NKX6-2: variants seen among roughly 807,000 people sequenced by gnomAD.
NKX6-2 encodes NK6 homeobox 2, also known as homeobox protein Nkx-6.2.
Under a neutral mutation model 19.9 loss-of-function variants are expected in NKX6-2, and 22 were observed. The ratio of observed to expected loss-of-function variants is 1.10; its 90% CI spans 0.79 to 1.58. The LOEUF is 1.58. Among genes scored for constraint, NKX6-2 ranks in the 40% most tolerant of loss-of-function variants. NKX6-2 has a pLI of 0.00. For missense variants in NKX6-2, 475 were observed against 410.6 expected (o/e 1.16, Z -1.35); for synonymous variants, 257 against 204.0 (o/e 1.26, Z -2.21).
At position 132,784,125 on chromosome 10, in the gene NKX6-2, GC is replaced by G. The variant is rs1184984887; in HGVS notation, c.*790del. The G allele has an allele frequency of 6.6e-6, 1 of 152,224 alleles. No individual in the cohort carries two copies. Among genetic ancestry groups the G allele is most frequent in the Non-Finnish European group, 1.5e-5 (1 of 68,016 alleles). 9.4% of individuals were successfully genotyped at this position (152,224 alleles called of 1,614,324 possible). On this transcript the variant is annotated 3_prime_UTR_variant, in exon 3 of 3. Coordinates refer to ENST00000368592, the MANE Select transcript of NKX6-2 (RefSeq NM_177400.3). ...CCGAGCCCCCGGCTGGGCGCTGCGG[GC>G]CTTGCCCAGGGGGCCTCCGGCTCCC...
In NKX6-2 at chr10:132,785,296, G is replaced by A; in HGVS notation, c.563C>T (p.Thr188Ile). The part of the protein sequence containing the change: ...RARLAYSLGM[T>I]ESQVKVWFQN... ...CGCGCTCACCTTCACCTGGCTCTCG[G>A]TCATGCCCAGCGAGTAGGCGAGACG... Residue 188 changes from threonine to isoleucine, a missense_variant, in exon 2 of 3, where the codon ACC (threonine) becomes ATC (isoleucine). By Grantham distance (89) the Thr-to-Ile change is moderately conservative. Coordinates refer to ENST00000368592, the MANE Select transcript of NKX6-2 (RefSeq NM_177400.3). The surrounding 1 kb of genome is among the most constrained non-coding windows in gnomAD (Gnocchi z 5.5). The A allele has an allele frequency of 6.2e-7, 1 of 1,606,204 alleles. No homozygotes were observed.
rs1368859859 is a variant in NKX6-2, at chr10:132,784,127, C to G, written c.*789G>C. On this transcript the variant is annotated 3_prime_UTR_variant, in exon 3 of 3. Coordinates refer to ENST00000368592, the MANE Select transcript of NKX6-2 (RefSeq NM_177400.3). ...GAGCCCCCGGCTGGGCGCTGCGGGCCTTGCCCAGGGGGCCTCCGGCTCCCT... is the reference window on the plus strand; with the variant it reads ...GAGCCCCCGGCTGGGCGCTGCGGGCGTTGCCCAGGGGGCCTCCGGCTCCCT... 1 of 152,220 alleles carries G rather than the reference C, an allele frequency of 6.6e-6. No individual in the cohort carries two copies. Among genetic ancestry groups the G allele is most frequent in the Non-Finnish European group, 1.5e-5 (1 of 68,008 alleles). The allele number at this position is 152,220 out of a possible 1,614,324, so 9.4% of individuals were successfully genotyped here. A position where few individuals can be genotyped will look rare whatever the true frequency, so the allele number is the denominator to read the frequency against.
chr10:132,783,620 A>G lies in NKX6-2; in HGVS notation c.*1296T>C, dbSNP rs1204806067. On this transcript the variant is annotated 3_prime_UTR_variant, in exon 3 of 3. Coordinates refer to ENST00000368592, the MANE Select transcript of NKX6-2 (RefSeq NM_177400.3). Reference sequence around the variant, plus strand: ...GAATTTCACTGTATCACACGCTGTCACAAAACACTAAGCCGTTCATTGAGA... The same window carrying G: ...GAATTTCACTGTATCACACGCTGTCGCAAAACACTAAGCCGTTCATTGAGA... 6.6e-6 allele frequency: 1 copy of G among 152,266 alleles called. No homozygotes were observed. Among genetic ancestry groups the G allele is most frequent in the Non-Finnish European group, 1.5e-5 (1 of 68,044 alleles). 9.4% of individuals were successfully genotyped at this position (152,266 alleles called of 1,614,324 possible).
rs745907425 is a variant in NKX6-2 at position 132,785,890 on chromosome 10, T to C, written c.59A>G (p.His20Arg). The stretch of plus-strand genomic sequence containing the variant: ...CGACGTCTTCATCTCGGCCATGTTG[T>C]GCAGCGCGGCCAGCGGGGCACTGCT... ...VLSSAPLAALHNMAEMKTSLF... is the reference protein window; with the variant it reads ...VLSSAPLAALRNMAEMKTSLF... Residue 20 changes from histidine to arginine, a missense_variant, in exon 1 of 3, where the codon CAC (histidine) becomes CGC (arginine). Coordinates refer to ENST00000368592, the MANE Select transcript of NKX6-2 (RefSeq NM_177400.3). This position sits in a 1 kb window ranked among gnomAD's most constrained non-coding sequence, Gnocchi z 5.5. The C allele has an allele frequency of 2.2e-6, 3 of 1,394,602 alleles. No homozygotes were observed. Among genetic ancestry groups the C allele is most frequent in the Admixed American group, 2.2e-5 (1 of 44,720 alleles). 86.4% of individuals were successfully genotyped at this position (1,394,602 alleles called of 1,614,324 possible).
chr10:132,784,890 T>G lies in NKX6-2; in HGVS notation c.*26A>C. 1 of 1,596,680 alleles carries G rather than the reference T, an allele frequency of 6.3e-7. No homozygotes were observed. Among genetic ancestry groups the G allele is most frequent in the Non-Finnish European group, 8.6e-7 (1 of 1,168,512 alleles). On this transcript the variant is annotated 3_prime_UTR_variant, in exon 3 of 3. Transcript: ENST00000368592. ...GGGCCGCCCCCGGATTCTGCAAAAA[T>G]AGATTCGCCCCCACCCCGCGGGTCC...
In NKX6-2 at chr10:132,785,684, C is replaced by T; in HGVS notation, c.265G>A (p.Ala89Thr). 8.0e-7 allele frequency: 1 copy of T among 1,251,182 alleles called. No homozygotes were observed. The allele number at this position is 1,251,182 out of a possible 1,614,324, so 77.5% of individuals were successfully genotyped here. Residue 89 changes from alanine to threonine, a missense_variant, in exon 1 of 3, where the codon GCC becomes ACC. Coordinates refer to ENST00000368592, the MANE Select transcript of NKX6-2 (RefSeq NM_177400.3). The surrounding 1 kb of genome is among the most constrained non-coding windows in gnomAD (Gnocchi z 5.5). Reference protein sequence around the residue: ...LPRLNGLASSAGVYFGPAAAV... With the variant: ...LPRLNGLASSTGVYFGPAAAV... Reference sequence around the variant, plus strand: ...GCCGCGGGCCCGAAGTAAACGCCGGCGGACGACGCGAGCCCGTTGAGCCGG... The same window carrying T: ...GCCGCGGGCCCGAAGTAAACGCCGGTGGACGACGCGAGCCCGTTGAGCCGG...
Position 132,784,766 on chromosome 10 carries a change from G to C in NKX6-2, c.*150C>G. On this transcript the variant is annotated 3_prime_UTR_variant, in exon 3 of 3. Transcript: ENST00000368592. ...GGAGGGGCCGCCTCGCTCCGGGTTC[G>C]AGACGGAAGAAACACGCGGCGCAGG... The C allele has an allele frequency of 1.5e-6, 1 of 664,722 alleles. No individual in the cohort carries two copies. Among genetic ancestry groups the C allele is most frequent in the South Asian group, 2.0e-5 (1 of 50,524 alleles). The allele number at this position is 664,722 out of a possible 1,614,324, so 41.2% of individuals were successfully genotyped here. A position where few individuals can be genotyped will look rare whatever the true frequency, so the allele number is the denominator to read the frequency against.
rs1847258450 is a variant in NKX6-2, at chr10:132,785,824, G to T, written c.125C>A (p.Ala42Glu). The T allele has an allele frequency of 7.3e-7, 1 of 1,377,378 alleles. No homozygotes were observed. 85.3% of individuals were successfully genotyped at this position (1,377,378 alleles called of 1,614,324 possible). The change falls in exon 1 of 3, where the codon GCG becomes GAG. Residue 42 changes from alanine (A) to glutamate (E), a missense_variant. Coordinates refer to ENST00000368592, the MANE Select transcript of NKX6-2 (RefSeq NM_177400.3). This position sits in a 1 kb window ranked among gnomAD's most constrained non-coding sequence, Gnocchi z 5.5. ...CGCGCCCAGGCCCCCCAGCGCGGGC[G>T]CCTTGAAGCCGGCCGGACCCTGCAG... ...YALQGPAGFK[A>E]PALGGLGAQL...
At position 132,783,537 on chromosome 10, in the gene NKX6-2, CAG is replaced by C. The variant is rs531243874; in HGVS notation, c.*1377_*1378del. Reference sequence around the variant, plus strand: ...TCCTGCCACCTTTGAAATGCTAACTCAGGGGAGCGGCCTCCTGTATAGCCTGT... The same window carrying C: ...TCCTGCCACCTTTGAAATGCTAACTCGGGAGCGGCCTCCTGTATAGCCTGT... On this transcript the variant is annotated 3_prime_UTR_variant, in exon 3 of 3. Coordinates refer to ENST00000368592, the MANE Select transcript of NKX6-2 (RefSeq NM_177400.3). The C allele has an allele frequency of 4.1e-3, 626 of 152,512 alleles. 3 individuals carry two copies. The highest frequency in any genetic ancestry group is 7.0e-3 in the Non-Finnish European group (476 of 68,048). The allele number at this position is 152,512 out of a possible 1,614,324, so 9.4% of individuals were successfully genotyped here. A position where few individuals can be genotyped will look rare whatever the true frequency, so the allele number is the denominator to read the frequency against.
At position 132,785,081 on chromosome 10, in the gene NKX6-2, C is replaced by A; in HGVS notation, c.669G>T (p.Glu223Asp). The A allele has an allele frequency of 6.2e-7, 1 of 1,610,662 alleles. No individual in the cohort carries two copies. Among genetic ancestry groups the A allele is most frequent in the East Asian group, 2.2e-5 (1 of 44,820 alleles). The stretch of plus-strand genomic sequence containing the variant: ...CGTCCGAGCCGCCCACCTTCAGCTT[C>A]TCGGCGTCCGAGTCCTGCTTCTTCT... Reference protein sequence around the residue: ...SAKKKQDSDAEKLKVGGSDAE... With the variant: ...SAKKKQDSDADKLKVGGSDAE... The change falls in exon 3 of 3, where the codon GAG becomes GAT. Residue 223 changes from glutamate (E) to aspartate (D), a missense_variant. Coordinates refer to ENST00000368592, the MANE Select transcript of NKX6-2 (RefSeq NM_177400.3). The surrounding 1 kb of genome is among the most constrained non-coding windows in gnomAD (Gnocchi z 5.5).
In NKX6-2 at chr10:132,783,772, A is replaced by G. The variant is rs1453211660; in HGVS notation, c.*1144T>C. The G allele has an allele frequency of 7.0e-6, 1 of 142,928 alleles. No individual in the cohort carries two copies. The highest frequency in any genetic ancestry group is 2.5e-5 in the African/African-American group (1 of 40,362). 8.9% of individuals were successfully genotyped at this position (142,928 alleles called of 1,614,324 possible). A position where few individuals can be genotyped will look rare whatever the true frequency, so the allele number is the denominator to read the frequency against. Reference sequence around the variant, plus strand: ...AGAAGCCCCTCTGCTCTGAGCTGAGAGGGGCTCCCCACAGAAAAGCGTTGC... The same window carrying G: ...AGAAGCCCCTCTGCTCTGAGCTGAGGGGGGCTCCCCACAGAAAAGCGTTGC... On this transcript the variant is annotated 3_prime_UTR_variant, in exon 3 of 3. Transcript: ENST00000368592.
In NKX6-2 at chr10:132,784,720, C is replaced by A; in HGVS notation, c.*196G>T. 2 of 572,306 alleles carry A rather than the reference C, an allele frequency of 3.5e-6. No homozygotes were observed. Among genetic ancestry groups the A allele is most frequent in the East Asian group, 6.3e-5 (2 of 31,548 alleles). 35.5% of individuals were successfully genotyped at this position (572,306 alleles called of 1,614,324 possible). On this transcript the variant is annotated 3_prime_UTR_variant, in exon 3 of 3. Coordinates refer to ENST00000368592, the MANE Select transcript of NKX6-2 (RefSeq NM_177400.3). ...GAACCCGGAGGACCCGAGGCGGGCGCAGGGGCGAAGCCGGGGCCGGGGAGG... is the reference window on the plus strand; with the variant it reads ...GAACCCGGAGGACCCGAGGCGGGCGAAGGGGCGAAGCCGGGGCCGGGGAGG...
rs781144494 is a variant in NKX6-2, at chr10:132,785,887, T to C, written c.62A>G (p.Asn21Ser). The C allele has an allele frequency of 1.1e-4, 147 of 1,395,486 alleles. No individual in the cohort carries two copies. The highest frequency in any genetic ancestry group is 1.2e-4 in the Non-Finnish European group (129 of 1,051,010). The allele number at this position is 1,395,486 out of a possible 1,614,324, so 86.4% of individuals were successfully genotyped here. A position where few individuals can be genotyped will look rare whatever the true frequency, so the allele number is the denominator to read the frequency against. ...CAGCGACGTCTTCATCTCGGCCATG[T>C]TGTGCAGCGCGGCCAGCGGGGCACT... The part of the protein sequence containing the change: ...LSSAPLAALH[N>S]MAEMKTSLFP... Residue 21 changes from asparagine to serine, a missense_variant, in exon 1 of 3, where the codon AAC (asparagine) becomes AGC (serine). Transcript: ENST00000368592. The surrounding 1 kb of genome is among the most constrained non-coding windows in gnomAD (Gnocchi z 5.5).
At position 132,784,672 on chromosome 10, in the gene NKX6-2, G is replaced by A. The variant is rs1186295096; in HGVS notation, c.*244C>T. On this transcript the variant is annotated 3_prime_UTR_variant, in exon 3 of 3. Transcript: ENST00000368592. ...CTTCGCCGCCTCCTCGCGCCTGCCC[G>A]GGGCCCGCAGCCTCCGCACCGGGAA... is the stretch of plus-strand genomic sequence containing the variant. The A allele has an allele frequency of 2.9e-5, 14 of 488,118 alleles. No individual in the cohort carries two copies. Among genetic ancestry groups the A allele is most frequent in the Middle Eastern group, 5.5e-4 (1 of 1,832 alleles). 30.2% of individuals were successfully genotyped at this position (488,118 alleles called of 1,614,324 possible). A position where few individuals can be genotyped will look rare whatever the true frequency, so the allele number is the denominator to read the frequency against.
In NKX6-2 at chr10:132,785,376, G is replaced by A. The variant is rs745607293; in HGVS notation, c.483C>T (p.Phe161=). 5.0e-6 allele frequency: 8 copies of A among 1,605,520 alleles called. No individual in the cohort carries two copies. Among genetic ancestry groups the A allele is most frequent in the Middle Eastern group, 1.7e-4 (1 of 6,052 alleles). ...SRPTFSGQQI[F]ALEKTFEQTK... ...TCTGCTCGAAGGTTTTCTCCAGCGC[G>A]AAGATCTGCTGGCCCGAGAAGGTCG... Residue 161 remains phenylalanine, a synonymous_variant, in exon 2 of 3, where the codon TTC becomes TTT. Coordinates refer to ENST00000368592, the MANE Select transcript of NKX6-2 (RefSeq NM_177400.3). This position sits in a 1 kb window ranked among gnomAD's most constrained non-coding sequence, Gnocchi z 5.5.
rs1219543191 is a variant in NKX6-2 at position 132,785,452 on chromosome 10, G to T, written c.407C>A (p.Ala136Asp). Residue 136 changes from alanine (A) to aspartate (D), a missense_variant and splice_region_variant, in exon 2 of 3, where the codon GCC becomes GAC. Transcript: ENST00000368592. The surrounding 1 kb of genome is among the most constrained non-coding windows in gnomAD (Gnocchi z 5.5). ...CTTGTCCAGGACGCCGCCGGCCGGG[G>T]CTGCAAGGGAGGGGAAGGGAGGGAG... is the stretch of plus-strand genomic sequence containing the variant. The part of the protein sequence containing the change: ...PWRDPRLAGP[A>D]PAGGVLDKDG... The T allele has an allele frequency of 2.5e-6, 4 of 1,573,516 alleles. No individual in the cohort carries two copies. Among genetic ancestry groups the T allele is most frequent in the Non-Finnish European group, 3.4e-6 (4 of 1,161,844 alleles).
In NKX6-2 at chr10:132,785,435, G is replaced by A. The variant is rs1306186693; in HGVS notation, c.424C>T (p.Leu142=). ...LAGPAPAGGV[L]DKDGKKKHSR... Reference sequence around the variant, plus strand: ...TGCTTCTTCTTCCCGTCCTTGTCCAGGACGCCGCCGGCCGGGGCTGCAAGG... The same window carrying A: ...TGCTTCTTCTTCCCGTCCTTGTCCAAGACGCCGCCGGCCGGGGCTGCAAGG... Residue 142 remains leucine (L), a synonymous_variant, in exon 2 of 3, where the codon CTG becomes TTG. Transcript: ENST00000368592. This position sits in a 1 kb window ranked among gnomAD's most constrained non-coding sequence, Gnocchi z 5.5. 1 of 1,587,548 alleles carries A rather than the reference G, an allele frequency of 6.3e-7. No individual in the cohort carries two copies. The highest frequency in any genetic ancestry group is 8.6e-7 in the Non-Finnish European group (1 of 1,169,050).
Position 132,785,325 on chromosome 10 carries a change from G to A in NKX6-2, c.534C>T (p.Arg178=), listed in dbSNP as rs1252338727. The change falls in exon 2 of 3, where the codon CGC becomes CGT. Residue 178 remains arginine, a synonymous_variant. Coordinates refer to ENST00000368592, the MANE Select transcript of NKX6-2 (RefSeq NM_177400.3). The surrounding 1 kb of genome is among the most constrained non-coding windows in gnomAD (Gnocchi z 5.5). ...EQTKYLAGPE[R]ARLAYSLGMT... Reference sequence around the variant, plus strand: ...TGCCCAGCGAGTAGGCGAGACGCGCGCGCTCCGGGCCCGCCAGGTACTTGG... The same window carrying A: ...TGCCCAGCGAGTAGGCGAGACGCGCACGCTCCGGGCCCGCCAGGTACTTGG... 3.1e-6 allele frequency: 5 copies of A among 1,605,892 alleles called. No homozygotes were observed. In the East Asian group the frequency reaches 9.1e-5, roughly 29 times the overall value.
In NKX6-2 at chr10:132,783,771, G is replaced by T. The variant is rs536425505; in HGVS notation, c.*1145C>A. ...AAGAAGCCCCTCTGCTCTGAGCTGA[G>T]AGGGGCTCCCCACAGAAAAGCGTTG... On this transcript the variant is annotated 3_prime_UTR_variant, in exon 3 of 3. Coordinates refer to ENST00000368592, the MANE Select transcript of NKX6-2 (RefSeq NM_177400.3). The T allele has an allele frequency of 3.2e-4, 48 of 152,226 alleles. No homozygotes were observed. Among genetic ancestry groups the T allele is most frequent in the African/African-American group, 9.9e-4 (41 of 41,526 alleles). 9.4% of individuals were successfully genotyped at this position (152,226 alleles called of 1,614,324 possible).
Sources: gnomAD v4.1 joint callset for allele counts on GRCh38, gnomAD v4.1.1 for gene constraint, Gnocchi (gnomAD v3.1) non-coding constraint, MANE v1.5 for transcripts, NCBI Gene and HGNC (gene_info 2026-07-23, HGNC 2026-07-21) for gene names.